Variants in HSPA14 observed in about 807,000 individuals in gnomAD.
HSPA14 encodes heat shock 70 kDa protein 14.
Under a neutral mutation model 65.5 loss-of-function variants are expected in HSPA14, and 37 were observed. That is an observed-to-expected ratio of 0.56 (90% CI 0.43 to 0.74). The LOEUF is 0.74. Among genes scored for constraint, HSPA14 ranks in the 30% least tolerant of loss-of-function variants. The pLI, the probability that HSPA14 is intolerant of heterozygous loss-of-function variation, is 0.00. For missense variants in HSPA14, 564 were observed against 607.6 expected, an observed-to-expected ratio of 0.93 and a Z score of 0.75; for synonymous variants, 203 against 214.2, an observed-to-expected ratio of 0.95 and a Z score of 0.46.
chr10:14,866,666 A>C (rs1832809351), intron 10 of HSPA14, among the ~76,000 whole-genome samples: 1 of 152,206 alleles, frequency 6.6e-6, no homozygotes, highest in South Asian at 2.1e-4. Flanking sequence ...CATAGTTTTC[A>C]CTAAGAGAGA....
chr10:14,866,940 G>T, intron 10 of HSPA14, 143 bp from the exon 11 acceptor site: 1 of 564,954 alleles, frequency 1.8e-6, no homozygotes, highest in South Asian at 2.5e-5. Flanking sequence ...TATAGGTTAA[G>T]TATAACATAA....
At chr10:14,869,158 C>T (rs1832832355) in intron 12 of HSPA14, among the ~76,000 whole-genome samples, 1 of 151,750 alleles carries the variant, frequency 6.6e-6, no homozygotes. Context: ...AGTCCAGAAG[C>T]AGACTAAAAA....
Position 14,842,707 on chromosome 10 carries a change from A to C in HSPA14, c.221+2550A>C, listed in dbSNP as rs1334315299. Reference sequence around the variant, plus strand: ...AAGAGGGAACCGGCATTCTAAAATCAAAAAGGACTCAGGCAGCTGATCATC... The same window carrying C: ...AAGAGGGAACCGGCATTCTAAAATCCAAAAGGACTCAGGCAGCTGATCATC... On this transcript the variant is annotated intron_variant, in intron 3 of 13. Coordinates refer to ENST00000378372, the MANE Select transcript of HSPA14 (RefSeq NM_016299.4). The surrounding 1 kb of genome is among the most constrained non-coding windows in gnomAD (Gnocchi z 5.2). 7.2e-6 allele frequency: 11 copies of C among 1,536,478 alleles called. 1 individual carries two copies. The South Asian group carries it at 1.3e-4, about 18-fold the overall frequency.
intron 3 of HSPA14, chr10:14,845,038 C>T: frequency 6.1e-6 from 6 of 985,366 alleles, no homozygotes; most frequent in Non-Finnish European, 7.2e-6. Flanking sequence ...ACTTTGGGAA[C>T]ACTAGAGGAT....
At chr10:14,847,052 C>G (rs1834064474) in intron 3 of HSPA14, 2 of 985,178 alleles carry the variant, frequency 2.0e-6, no homozygotes, top group Non-Finnish European at 2.4e-6. Context: ...TTTGTTGCCT[C>G]CATTCTCTGC....
At chr10:14,854,007 C>A in intron 8 of HSPA14, 118 bp from the exon 9 acceptor site, 1 of 1,008,964 alleles carries the variant, frequency 9.9e-7, no homozygotes, top group Non-Finnish European at 1.4e-6. Flanking sequence ...CGTGAGCCAC[C>A]GCACCCGGCC....
intron 3 of HSPA14, chr10:14,844,970 C>T (rs1834030927): frequency 1.0e-6 from 1 of 985,288 alleles, no homozygotes; most frequent in Non-Finnish European, 1.2e-6. Flanking sequence ...ATGTTGTAGA[C>T]AGAAGTTTAT....
chr10:14,869,479 T>C (rs958544052), intron 12 of HSPA14, among the ~76,000 whole-genome samples: 5 of 151,934 alleles, frequency 3.3e-5, no homozygotes, highest in African/African-American at 1.2e-4. Context: ...GTATTTTTAG[T>C]AGAGACAGTT....
At position 14,844,056 on chromosome 10, in the gene HSPA14, A is replaced by G. The variant is rs914615292; in HGVS notation, c.221+3899A>G. On this transcript the variant is annotated intron_variant, in intron 3 of 13. Coordinates refer to ENST00000378372, the MANE Select transcript of HSPA14 (RefSeq NM_016299.4). ...ATAATTGCTAGTTCATTTTCCCAAG[A>G]TTCTCCACCAAATGGAAGACCTTTC... is the stretch of plus-strand genomic sequence containing the variant. 3 of 1,435,436 alleles carry G rather than the reference A, an allele frequency of 2.1e-6. No individual in the cohort carries two copies. The African/African-American group carries it at 4.3e-5, about 21-fold the overall frequency. 88.9% of individuals were successfully genotyped at this position (1,435,436 alleles called of 1,614,324 possible).
rs889617454 is a variant in HSPA14 at position 14,849,882 on chromosome 10, C to T, written c.467+71C>T. On this transcript the variant is annotated intron_variant, in intron 6 of 13. Coordinates refer to ENST00000378372, the MANE Select transcript of HSPA14 (RefSeq NM_016299.4). ...AAAGTCACTATATAGTAAAAGGTAA[C>T]ATTGTATTTTAAAGTACCTTAGGCG... The T allele has an allele frequency of 7.6e-6, 7 of 919,460 alleles. No individual in the cohort carries two copies. In the African/African-American group the frequency reaches 1.0e-4, roughly 13 times the overall value. The allele number at this position is 919,460 out of a possible 1,614,324, so 57.0% of individuals were successfully genotyped here.
chr10:14,852,101 T>G (rs1014332369), intron 7 of HSPA14, among the ~76,000 whole-genome samples: 1 of 152,250 alleles, frequency 6.6e-6, no homozygotes, highest in African/African-American at 2.4e-5. Context: ...TCTCTTGATT[T>G]ACTTTGAAAA....
In HSPA14 at chr10:14,849,735, G is replaced by C. The variant is rs1834093307; in HGVS notation, c.391G>C (p.Val131Leu). ...FSKMKETAHSVLGSDANDVVI... is the reference protein window; with the variant it reads ...FSKMKETAHSLLGSDANDVVI... ...TTAATATGCAGAAACGGCACATTCT[G>C]TATTGGGCTCAGATGCAAATGATGT... is the stretch of plus-strand genomic sequence containing the variant. Residue 131 changes from valine to leucine, a missense_variant, in exon 6 of 14, where the codon GTA (valine) becomes CTA (leucine). Val to Leu is a conservative substitution (Grantham distance 32). Transcript: ENST00000378372. 5.0e-6 allele frequency: 8 copies of C among 1,607,666 alleles called. No homozygotes were observed. Among genetic ancestry groups the C allele is most frequent in the Non-Finnish European group, 6.8e-6 (8 of 1,177,876 alleles).
chr10:14,848,582 G>T, intron 3 of HSPA14, 27 bp from the exon 4 acceptor site: 10 of 1,559,932 alleles, frequency 6.4e-6, no homozygotes, highest in Non-Finnish European at 8.8e-6. Flanking sequence ...TTAATACTTA[G>T]CTATCTTTAT....
chr10:14,844,599 T>C (rs1038705531), intron 3 of HSPA14: 1 of 985,466 alleles, frequency 1.0e-6, no homozygotes, highest in Non-Finnish European at 1.2e-6. Context: ...CTCTCCTTCA[T>C]TTTACTGGTT....
At chr10:14,846,658 A>T (rs1474354705) in intron 3 of HSPA14, 2 of 936,810 alleles carry the variant, frequency 2.1e-6, no homozygotes, top group Non-Finnish European at 2.5e-6. Context: ...TAATTGTCCT[A>T]CCTACCTCAC....
chr10:14,867,591 A>C (rs1405039819), intron 11 of HSPA14, 145 bp from the exon 12 acceptor site: 1 of 699,158 alleles, frequency 1.4e-6, no homozygotes, highest in African/African-American at 1.8e-5. Flanking sequence ...AAAGTGAAGT[A>C]GGATTAAGGA....
chr10:14,843,554 G>A, intron 3 of HSPA14: 1 of 1,550,674 alleles, frequency 6.4e-7, no homozygotes, highest in East Asian at 2.4e-5. Flanking sequence ...TCCTCTTCGA[G>A]AGCTGGTTTT....
rs1832689509 is a variant in HSPA14, at chr10:14,855,920, T to C, written c.970T>C (p.Phe324Leu). 6.3e-7 allele frequency: 1 copy of C among 1,587,452 alleles called. No homozygotes were observed. The highest frequency in any genetic ancestry group is 1.3e-5 in the African/African-American group (1 of 74,436). The change falls in exon 10 of 14, where the codon TTT becomes CTT. Residue 324 changes from phenylalanine to leucine, a missense_variant. Phe to Leu is a conservative substitution (Grantham distance 22). Transcript: ENST00000378372. ...CAGAGGACTCTTAGATCAAAATGGA[T>C]TTACAGCAGATGATATCAACAAGGT... The part of the protein sequence containing the change: ...AIRGLLDQNG[F>L]TADDINKVVL...
chr10:14,867,755 C>T lies in HSPA14; in HGVS notation c.1226C>T (p.Ala409Val). The T allele has an allele frequency of 6.2e-7, 1 of 1,613,748 alleles. No homozygotes were observed. The highest frequency in any genetic ancestry group is 8.5e-7 in the Non-Finnish European group (1 of 1,179,906). The change falls in exon 12 of 14, where the codon GCC (alanine) becomes GTC (valine). Residue 409 changes from alanine (A) to valine (V), a missense_variant. Transcript: ENST00000378372. Reference sequence around the variant, plus strand: ...AACTAGGGTGTGGACGAATCAGGAGCCAGTAGATTCACAGTGCTGTTTCCA... The same window carrying T: ...AACTAGGGTGTGGACGAATCAGGAGTCAGTAGATTCACAGTGCTGTTTCCA... Reference protein sequence around the residue: ...ILVKGVDESGASRFTVLFPSG... With the variant: ...ILVKGVDESGVSRFTVLFPSG...
Sources: gnomAD v4.1 joint callset for allele counts (sites outside exome capture counted in the v4.1 genomes callset) on GRCh38, gnomAD v4.1.1 for gene constraint, Gnocchi (gnomAD v3.1) non-coding constraint, MANE v1.5 for transcripts, NCBI Gene and HGNC (gene_info 2026-07-23, HGNC 2026-07-21) for gene names.